Variants in ESCO1 observed in about 807,000 individuals in gnomAD.
The protein encoded by ESCO1 is N-acetyltransferase ESCO1.
A neutral mutation model predicts 83.5 loss-of-function variants in ESCO1; 33 were observed. That is an observed-to-expected ratio of 0.40 (90% CI 0.30 to 0.53). The LOEUF (loss-of-function observed/expected upper bound fraction) is 0.53. Ranked by LOEUF, ESCO1 falls within the 20% of genes least tolerant of loss-of-function variation. The pLI is 0.63. For missense variants in ESCO1, 855 were observed against 968.0 expected (o/e 0.88, Z 1.55); for synonymous variants, 332 against 324.3 (o/e 1.02, Z -0.25).
chr18:21,555,302 A>G (rs1191165321), intron 8 of ESCO1, among the ~76,000 whole-genome samples: 1 of 152,248 alleles, frequency 6.6e-6, no homozygotes, highest in African/African-American at 2.4e-5. Context: ...TTTTTAGCAC[A>G]GTGCAACTAT....
chr18:21,555,352 A>G (rs2038099870), intron 8 of ESCO1, among the ~76,000 whole-genome samples: 1 of 152,228 alleles, frequency 6.6e-6, no homozygotes, highest in Non-Finnish European at 1.5e-5. Flanking sequence ...GTCATTATAC[A>G]TTTCTCAAAA....
intron 1 of ESCO1, chr18:21,593,595 C>T (rs1183446893): frequency 1.5e-4 from 1 of 6,540 alleles, no homozygotes; most frequent in East Asian, 0.011. Flanking sequence ...AGAGGGAGAC[C>T]GTAGGGAGAG....
At chr18:21,549,765 A>C (rs1276642588) in intron 8 of ESCO1, among the ~76,000 whole-genome samples, 1 of 152,018 alleles carries the variant, frequency 6.6e-6, no homozygotes, top group African/African-American at 2.4e-5. Flanking sequence ...TCAGGAGTTC[A>C]AGGCCAGCCT....
intron 8 of ESCO1, 146 bp from the exon 9 acceptor site, chr18:21,540,155 A>G: frequency 1.4e-6 from 1 of 720,480 alleles, no homozygotes; most frequent in Non-Finnish European, 2.2e-6. Flanking sequence ...TTAATGCTTA[A>G]TAAAGCATGA....
chr18:21,548,795 C>T (rs2038007601), intron 8 of ESCO1, among the ~76,000 whole-genome samples: 2 of 152,084 alleles, frequency 1.3e-5, no homozygotes, highest in South Asian at 2.1e-4. Flanking sequence ...AAATAATCAG[C>T]TGGGCATGGT....
intron 1 of ESCO1, among the ~76,000 whole-genome samples, chr18:21,592,755 G>A (rs1452561522): frequency 6.6e-6 from 1 of 150,490 alleles, no homozygotes; most frequent in Non-Finnish European, 1.5e-5. Flanking sequence ...CTTCTCAGAC[G>A]GGGCGGCTGC....
intron 10 of ESCO1, among the ~76,000 whole-genome samples, chr18:21,533,274 C>CA (rs962983950): frequency 6.6e-6 from 1 of 151,726 alleles, no homozygotes; most frequent in Non-Finnish European, 1.5e-5. Context: ...GTCTAGCTGC[C>CA]AAAAAATAAC....
At chr18:21,593,568 A>G (rs2038714312) in intron 1 of ESCO1, 1 of 109,670 alleles carries the variant, frequency 9.1e-6, no homozygotes, top group Non-Finnish European at 1.7e-5. Flanking sequence ...TCGGCATCAG[A>G]GGGAGACCGT....
In ESCO1 at chr18:21,530,603, T is replaced by C. The variant is rs1014840123; in HGVS notation, c.2376-113A>G. On this transcript the variant is annotated intron_variant, in intron 11 of 11. Transcript: ENST00000269214. ...TCAAATACAATTTGACTAAAAAAGC[T>C]TTTTAGATACTGCTGTATGTGCTCA... 4.8e-5 allele frequency: 49 copies of C among 1,029,058 alleles called. No homozygotes were observed. In the African/African-American group the frequency reaches 7.8e-4, roughly 16 times the overall value. The allele number at this position is 1,029,058 out of a possible 1,614,324, so 63.7% of individuals were successfully genotyped here.
intron 5 of ESCO1, among the ~76,000 whole-genome samples, chr18:21,566,957 T>C (rs1446733940): frequency 6.6e-6 from 1 of 152,190 alleles, no homozygotes; most frequent in Admixed American, 6.5e-5. Flanking sequence ...ATTTCTCATA[T>C]TTATATTACA....
Position 21,574,387 on chromosome 18 carries a change from G to T in ESCO1, c.457C>A (p.Pro153Thr), listed in dbSNP as rs749912751. The change falls in exon 4 of 12, where the codon CCA becomes ACA. Residue 153 changes from proline to threonine, a missense_variant. Around this residue, in one of 2 missense-constraint regions of ESCO1, gnomAD observed 726 missense variants for 699.5 expected, o/e 1.04. Transcript: ENST00000269214. ...CTACACTGCTCTTTTTTAGTTGGTG[G>T]CAAACTCTGTTTAACTGCTTGAACT... ...GQVQAVKQSL[P>T]PTKKEQCSST... 3 of 1,613,870 alleles carry T rather than the reference G, an allele frequency of 1.9e-6. No individual in the cohort carries two copies. Among genetic ancestry groups the T allele is most frequent in the East Asian group, 2.2e-5 (1 of 44,862 alleles).
intron 8 of ESCO1, among the ~76,000 whole-genome samples, chr18:21,542,091 C>T (rs1053873372): frequency 6.6e-6 from 1 of 151,878 alleles, no homozygotes; most frequent in African/African-American, 2.4e-5. Flanking sequence ...TTTTCATGTA[C>T]TAAATAAAAG....
intron 2 of ESCO1, among the ~76,000 whole-genome samples, chr18:21,582,536 T>C (rs562092238): frequency 1.3e-5 from 2 of 152,346 alleles, no homozygotes. Context: ...CAGGAAATCC[T>C]TAAATATTTG....
chr18:21,599,148 G>C (rs1229960581), intron 1 of ESCO1, among the ~76,000 whole-genome samples: 1 of 152,132 alleles, frequency 6.6e-6, no homozygotes, highest in African/African-American at 2.4e-5. Context: ...ACCAGCCTGG[G>C]CAACATGGCG....
Position 21,530,319 on chromosome 18 carries a change from T to C in ESCO1, c.*24A>G, listed in dbSNP as rs2037750708. The C allele has an allele frequency of 6.4e-7, 1 of 1,551,016 alleles. No homozygotes were observed. The highest frequency in any genetic ancestry group is 8.7e-7 in the Non-Finnish European group (1 of 1,151,556). ...TCCATTCTCTTCAATAGATGTCTTC[T>C]AGTGGTGTAGGCAAGAATTTGTTTT... On this transcript the variant is annotated 3_prime_UTR_variant, in exon 12 of 12. Transcript: ENST00000269214.
intron 1 of ESCO1, among the ~76,000 whole-genome samples, chr18:21,590,745 C>A (rs984206684): frequency 6.6e-6 from 1 of 151,854 alleles, no homozygotes; most frequent in South Asian, 2.1e-4. Context: ...GTCAACAGAT[C>A]GAGACCATCC....
intron 8 of ESCO1, among the ~76,000 whole-genome samples, chr18:21,542,838 A>T (rs1238848952): frequency 6.6e-6 from 1 of 152,238 alleles, no homozygotes; most frequent in East Asian, 1.9e-4. Context: ...AGAGAAACTT[A>T]GAGGCGATAA....
At position 21,563,576 on chromosome 18, in the gene ESCO1, G is replaced by A. The variant is rs1335626379; in HGVS notation, c.1821+627C>T. 4.6e-5 allele frequency among the ~76,000 whole-genome samples: 7 copies of A among 151,662 alleles called. No homozygotes were observed. In the South Asian group the frequency reaches 6.3e-4, roughly 14 times the overall value. ...CTGGCCAGGCTGGTCTCAAACTCCC[G>A]ACCTCAGGTGATCCACCCACCTTGG... is the stretch of plus-strand genomic sequence containing the variant. On this transcript the variant is annotated intron_variant, in intron 7 of 11. Coordinates refer to ENST00000269214, the MANE Select transcript of ESCO1 (RefSeq NM_052911.3).
At chr18:21,592,381 ACC>A (rs372410222) in intron 1 of ESCO1, among the ~76,000 whole-genome samples, 1 of 130,344 alleles carries the variant, frequency 7.7e-6, no homozygotes, top group Non-Finnish European at 1.7e-5. Flanking sequence ...CGGGGGACTG[ACC>A]CCCCCCACCT....
Sources: gnomAD v4.1 joint callset for allele counts (sites outside exome capture counted in the v4.1 genomes callset) on GRCh38, gnomAD v4.1.1 for gene constraint, gnomAD v4.1.1 regional missense constraint, MANE v1.5 for transcripts, NCBI Gene and HGNC (gene_info 2026-07-23, HGNC 2026-07-21) for gene names.